HDX: variants seen among roughly 807,000 people sequenced by gnomAD.
HDX encodes the protein chromosome X open reading frame 43.
Under a neutral mutation model 45.2 loss-of-function variants are expected in HDX, and 19 were observed. The ratio of observed to expected loss-of-function variants is 0.42; its 90% CI spans 0.29 to 0.62. The LOEUF is 0.62. HDX is among the 20% of genes least tolerant of loss of function. HDX has a pLI of 0.20. For missense variants in HDX, 532 were observed against 493.9 expected (o/e 1.08, Z -0.73); for synonymous variants, 188 against 172.8 (o/e 1.09, Z -0.69).
chrX:84,445,926 A>G (rs779380467), intron 4 of HDX, among the ~76,000 whole-genome samples: 27 of 111,717 alleles, frequency 2.4e-4, no homozygotes, highest in African/African-American at 8.7e-4. Flanking sequence ...GTTTTTATAC[A>G]TAGTAGTAAA....
chrX:84,480,214 C>A (rs2040648167), intron 2 of HDX, among the ~76,000 whole-genome samples: 1 of 111,601 alleles, frequency 9.0e-6, no homozygotes, highest in Non-Finnish European at 1.9e-5. Flanking sequence ...TATTCTGCAA[C>A]TTTACTAAAC....
At chrX:84,393,666 G>C (rs1288873611) in intron 5 of HDX, among the ~76,000 whole-genome samples, 1 of 110,879 alleles carries the variant, frequency 9.0e-6, no homozygotes, top group Non-Finnish European at 1.9e-5. Flanking sequence ...TCTTTATTGG[G>C]AGACTCTTGA....
intron 6 of HDX, 26 bp from the exon 7 acceptor site, chrX:84,344,483 T>A: frequency 9.3e-7 from 1 of 1,077,987 alleles, no homozygotes; most frequent in Non-Finnish European, 1.3e-6. Flanking sequence ...ATAGGAGGAA[T>A]TTTTGTAAAC....
At chrX:84,351,073 C>G (rs1370212322) in intron 6 of HDX, among the ~76,000 whole-genome samples, 1 of 110,004 alleles carries the variant, frequency 9.1e-6, no homozygotes, top group Non-Finnish European at 1.9e-5. Context: ...TATCTTATGA[C>G]AGTCACAAGA....
intron 5 of HDX, among the ~76,000 whole-genome samples, chrX:84,406,495 CACACAT>C (rs1161118902): frequency 3.3e-4 from 24 of 72,721 alleles, no homozygotes; most frequent in African/African-American, 8.0e-4. Context: ...CACACACACA[CACACAT>C]ACACACACAC....
intron 5 of HDX, among the ~76,000 whole-genome samples, chrX:84,426,650 A>G (rs1377356040): frequency 1.8e-5 from 2 of 110,525 alleles, no homozygotes; most frequent in Non-Finnish European, 3.8e-5. Flanking sequence ...GGTGGGGGAT[A>G]TGGGGGAAAT....
chrX:84,448,751 A>T (rs2039930041), intron 4 of HDX, among the ~76,000 whole-genome samples: 1 of 111,320 alleles, frequency 9.0e-6, no homozygotes, highest in Non-Finnish European at 1.9e-5. Context: ...AGGAAATATG[A>T]TACCTCTAAA....
intron 2 of HDX, among the ~76,000 whole-genome samples, chrX:84,479,977 T>A (rs2040642259): frequency 9.0e-6 from 1 of 111,602 alleles, no homozygotes; most frequent in Non-Finnish European, 1.9e-5. Flanking sequence ...ATTTCCAATG[T>A]TTCTCCACCT....
At chrX:84,342,144 C>T (rs1162583534) in intron 7 of HDX, among the ~76,000 whole-genome samples, 1 of 111,422 alleles carries the variant, frequency 9.0e-6, no homozygotes, top group African/African-American at 3.3e-5. Context: ...ATCTGAGTTT[C>T]AGACTCATAT....
chrX:84,478,741 C>A (rs1209519685), intron 2 of HDX, among the ~76,000 whole-genome samples: 2 of 110,348 alleles, frequency 1.8e-5, no homozygotes, highest in East Asian at 5.7e-4. Context: ...TGCCTGTAGT[C>A]CTAGCTATTC....
Position 84,417,250 on chromosome X carries a change from A to AAG in HDX, c.1305+23280_1305+23281dup, listed in dbSNP as rs1191369632. ...AAAGAAAGAAAGAAAGAAAGAAAGAAAGAGAAAGTCCCAGTCCTTGTTTCC... is the reference window on the plus strand; with the variant it reads ...AAAGAAAGAAAGAAAGAAAGAAAGAAAGAGAGAAAGTCCCAGTCCTTGTTTCC... On this transcript the variant is annotated intron_variant, in intron 5 of 10. Coordinates refer to ENST00000373177, the MANE Select transcript of HDX (RefSeq NM_001177479.2). Among the ~76,000 whole-genome samples, 15 of 111,499 alleles carry AAG rather than the reference A, an allele frequency of 1.3e-4. No homozygotes were observed. The Admixed American group carries it at 1.4e-3, about 11-fold the overall frequency.
chrX:84,454,819 G>T (rs1569352596), intron 4 of HDX, among the ~76,000 whole-genome samples: 1 of 111,100 alleles, frequency 9.0e-6, no homozygotes, highest in Non-Finnish European at 1.9e-5. Context: ...AGTTGTGGTG[G>T]CCATAGGGAT....
intron 6 of HDX, among the ~76,000 whole-genome samples, chrX:84,349,539 AC>A (rs1306992228): frequency 1.2e-4 from 12 of 97,535 alleles, no homozygotes; most frequent in African/African-American, 4.5e-4. Flanking sequence ...ATATATATAT[AC>A]ACACATACAT....
intron 5 of HDX, among the ~76,000 whole-genome samples, chrX:84,409,898 A>G (rs1442464634): frequency 4.6e-5 from 5 of 108,111 alleles, no homozygotes; most frequent in Non-Finnish European, 1.9e-5. Context: ...AAAAAAAGAA[A>G]AAAAATTAGC....
At chrX:84,332,693 T>C (rs1402883172) in intron 9 of HDX, among the ~76,000 whole-genome samples, 1 of 111,633 alleles carries the variant, frequency 9.0e-6, no homozygotes, top group Non-Finnish European at 1.9e-5. Flanking sequence ...TTAGAAATAT[T>C]ATATGACCAT....
intron 5 of HDX, among the ~76,000 whole-genome samples, chrX:84,392,412 C>A (rs570623813): frequency 1.8e-5 from 2 of 110,828 alleles, no homozygotes; most frequent in South Asian, 7.6e-4. Flanking sequence ...CCCATTTGTT[C>A]CATGCAAATT....
At chrX:84,491,985 T>A (rs764597292) in intron 1 of HDX, among the ~76,000 whole-genome samples, 3 of 111,505 alleles carry the variant, frequency 2.7e-5, no homozygotes, top group Admixed American at 1.9e-4. Context: ...CTCAGCAGAT[T>A]TCTGAAGCTC....
chrX:84,416,150 A>G (rs1298675043), intron 5 of HDX, among the ~76,000 whole-genome samples: 3 of 111,918 alleles, frequency 2.7e-5, no homozygotes, highest in African/African-American at 9.7e-5. Context: ...TTCTCACAGC[A>G]TCTAATCAGG....
intron 5 of HDX, among the ~76,000 whole-genome samples, chrX:84,400,311 T>C (rs1211369745): frequency 1.8e-5 from 2 of 109,793 alleles, no homozygotes. Flanking sequence ...AACTCCATAG[T>C]CTCAGCCTAA....
Sources: gnomAD v4.1 joint callset for allele counts (sites outside exome capture counted in the v4.1 genomes callset) on GRCh38, gnomAD v4.1.1 for gene constraint, MANE v1.5 for transcripts, NCBI Gene and HGNC (gene_info 2026-07-23, HGNC 2026-07-21) for gene names.